C4orf50: variants seen among roughly 807,000 people sequenced by gnomAD.
C4orf50 encodes chromosome 4 open reading frame 50.
In C4orf50, 80 loss-of-function variants were observed where a neutral mutation model predicts 77.2. The observed-to-expected ratio is 1.04, with a 90% CI of 0.87 to 1.25. The LOEUF is 1.25. C4orf50 is among the 50% of genes most tolerant of loss of function. The pLI is 0.00. For synonymous variants in C4orf50, 532 were observed against 465.3 expected (o/e 1.14, Z -1.84); for missense variants, 1,257 against 1,152.9 (o/e 1.09, Z -1.31).
At chr4:5,977,802 GA>G (rs1350699259) in intron 29 of C4orf50, among the ~76,000 whole-genome samples, 2 of 152,124 alleles carry the variant, frequency 1.3e-5, no homozygotes, top group African/African-American at 2.4e-5. Flanking sequence ...TTCAGTTTAG[GA>G]AATAACATAA....
chr4:5,902,181 A>C (rs1716368917), intron 7 of C4orf50: 1 of 152,228 alleles, frequency 6.6e-6, no homozygotes, highest in South Asian at 2.1e-4. Flanking sequence ...GATATTTGGA[A>C]AACATGCCGT....
At chr4:5,903,168 A>G (rs1716411594) in intron 7 of C4orf50, 1 of 152,072 alleles carries the variant, frequency 6.6e-6, no homozygotes, top group Non-Finnish European at 1.5e-5. Flanking sequence ...TGGGGGAGGG[A>G]GCGAGCTGGC....
At chr4:5,965,771 G>A (rs1422562422) in intron 32 of C4orf50, among the ~76,000 whole-genome samples, 1 of 152,202 alleles carries the variant, frequency 6.6e-6, no homozygotes, top group Non-Finnish European at 1.5e-5. Context: ...CTCATGTACT[G>A]ACATCCTGCT....
intron 23 of C4orf50, among the ~76,000 whole-genome samples, chr4:6,014,690 C>T (rs1249669803): frequency 5.9e-5 from 9 of 152,192 alleles, no homozygotes; most frequent in South Asian, 4.1e-4. Context: ...GTATTTCATC[C>T]CTCAGCCTCA....
intron 7 of C4orf50, among the ~76,000 whole-genome samples, chr4:5,949,572 G>C (rs1660860898): frequency 6.6e-6 from 1 of 152,234 alleles, no homozygotes; most frequent in African/African-American, 2.4e-5. Context: ...TGTTTAATGG[G>C]AACAGAGTTT....
chr4:6,004,770 A>G, intron 25 of C4orf50, among the ~76,000 whole-genome samples: 1 of 143,646 alleles, frequency 7.0e-6, no homozygotes, highest in South Asian at 2.4e-4. Context: ...GATGACAGTG[A>G]TGACGGCGAT....
intron 23 of C4orf50, among the ~76,000 whole-genome samples, chr4:6,014,933 C>A (rs543135651): frequency 3.4e-4 from 52 of 152,280 alleles, no homozygotes; most frequent in African/African-American, 1.2e-3. Flanking sequence ...CTCATGGTGT[C>A]CCCCTGGGAA....
intron 33 of C4orf50, 128 bp from the exon 12 acceptor site, chr4:5,959,754 G>T: frequency 9.0e-7 from 1 of 1,114,162 alleles, no homozygotes; most frequent in Non-Finnish European, 1.2e-6. Flanking sequence ...TTCTGTGCCT[G>T]GCACCAAATA....
chr4:5,940,093 A>G (rs1204656022), intron 7 of C4orf50, among the ~76,000 whole-genome samples: 1 of 152,122 alleles, frequency 6.6e-6, no homozygotes, highest in Non-Finnish European at 1.5e-5. Context: ...TCCCATAGCT[A>G]ATTAAATATG....
chr4:5,994,916 T>C (rs1420788720), intron 25 of C4orf50, among the ~76,000 whole-genome samples: 2 of 152,144 alleles, frequency 1.3e-5, no homozygotes, highest in Non-Finnish European at 2.9e-5. Flanking sequence ...TTGATTCTCA[T>C]AGAAGCGTGA....
intron 7 of C4orf50, among the ~76,000 whole-genome samples, chr4:5,940,218 C>T (rs758762185): frequency 2.6e-5 from 4 of 152,238 alleles, no homozygotes; most frequent in Admixed American, 6.5e-5. Flanking sequence ...GAATGGCCAC[C>T]CTGCAGGCTG....
intron 7 of C4orf50, among the ~76,000 whole-genome samples, chr4:5,926,551 C>T (rs1286028094): frequency 2.0e-5 from 3 of 152,056 alleles, no homozygotes; most frequent in Admixed American, 1.3e-4. Flanking sequence ...TGTGAAGGCA[C>T]TAAAAGCCAC....
intron 7 of C4orf50, among the ~76,000 whole-genome samples, chr4:5,927,619 C>T (rs1577897127): frequency 6.6e-6 from 1 of 151,084 alleles, no homozygotes; most frequent in African/African-American, 2.5e-5. Context: ...GTTTACCCTG[C>T]TCTCCCTCTG....
At chr4:5,907,135 C>T (rs2152480528) in intron 7 of C4orf50, among the ~76,000 whole-genome samples, 1 of 152,258 alleles carries the variant, frequency 6.6e-6, no homozygotes, top group East Asian at 1.9e-4. Flanking sequence ...GAGGACAAAG[C>T]AACAAGTTAA....
exon 28 of C4orf50, chr4:5,989,920 C>A: frequency 7.0e-7 from 1 of 1,427,458 alleles, no homozygotes; most frequent in East Asian, 2.5e-5. Context: ...ATTTCCAAGC[C>A]ACACTTGGTT....
chr4:5,926,109 G>A (rs1717501804), intron 7 of C4orf50, among the ~76,000 whole-genome samples: 1 of 152,178 alleles, frequency 6.6e-6, no homozygotes, highest in Admixed American at 6.5e-5. Flanking sequence ...CTTTCAATAA[G>A]GTTTAGATTT....
intron 7 of C4orf50, chr4:5,904,923 G>A (rs982376285): frequency 5.9e-5 from 9 of 152,266 alleles, no homozygotes; most frequent in Non-Finnish European, 1.3e-4. Context: ...TTATGGCAGA[G>A]TGCACTCCGA....
chr4:6,004,056 G>GGTGATA (rs1722033597), intron 25 of C4orf50, among the ~76,000 whole-genome samples: 25 of 116,422 alleles, frequency 2.1e-4, no homozygotes, highest in African/African-American at 5.2e-4. Flanking sequence ...TGGTGATGAT[G>GGTGATA]GTGATGATGG....
rs1057390044 is a variant in C4orf50, at chr4:5,920,633, T to C, written c.*2475-22445A>G. ...CTGGGACTACAGGTGTGTGCCACCA[T>C]GCCCTGCTAATTTTTGTATTTTTAA... On this transcript the variant is annotated intron_variant, in intron 7 of 7. Coordinates refer to the C4orf50 transcript ENST00000324058. 2.0e-5 allele frequency among the ~76,000 whole-genome samples: 3 copies of C among 151,652 alleles called. No individual in the cohort carries two copies. The South Asian group carries it at 6.3e-4, about 32-fold the overall frequency.
Sources: allele counts gnomAD v4.1 joint callset (sites outside exome capture counted in the v4.1 genomes callset), GRCh38; gene constraint gnomAD v4.1.1; transcripts MANE v1.5; gene names NCBI Gene and HGNC (gene_info 2026-07-23, HGNC 2026-07-21).